CSNK2A1: variants seen among roughly 807,000 people sequenced by gnomAD.
CSNK2A1 encodes casein kinase 2 alpha 1, also known as casein kinase II subunit alpha.
CSNK2A1 carries 10 observed loss-of-function variants against 62.9 expected under a neutral mutation model. The observed-to-expected ratio is 0.16, with a 90% CI of 0.10 to 0.27. The LOEUF is 0.27. Ranked by LOEUF, CSNK2A1 falls within the 10% of genes least tolerant of loss-of-function variation. The pLI is 1.00. For synonymous variants in CSNK2A1, 124 were observed against 167.8 expected, an observed-to-expected ratio of 0.74 and a Z score of 2.02; for missense variants, 160 against 492.0, an observed-to-expected ratio of 0.33 and a Z score of 6.38.
At position 524,908 on chromosome 20, in the gene CSNK2A1, G is replaced by A. The variant is rs569983659; in HGVS notation, c.-110+3025C>T. Reference sequence around the variant, plus strand: ...AAGAGGAAAGATGGCTTGAGGCTGAGTTCGTGACCAGCCTGGGCAACACAG... The same window carrying A: ...AAGAGGAAAGATGGCTTGAGGCTGAATTCGTGACCAGCCTGGGCAACACAG... On this transcript the variant is annotated intron_variant, in intron 2 of 13. Coordinates refer to ENST00000217244, the MANE Select transcript of CSNK2A1 (RefSeq NM_177559.3). Among the ~76,000 whole-genome samples the A allele has an allele frequency of 2.7e-3, 406 of 152,142 alleles. 1 individual carries two copies. The highest frequency in any genetic ancestry group is 9.1e-3 in the African/African-American group (376 of 41,484).
chr20:511,464 T>C (rs1383776128), intron 2 of CSNK2A1, among the ~76,000 whole-genome samples: 1 of 152,182 alleles, frequency 6.6e-6, no homozygotes, highest in African/African-American at 2.4e-5. Context: ...CCATCCCAAA[T>C]GAAAACTATG....
chr20:472,846 CAAG>C lies in CSNK2A1; in HGVS notation c.*11112_*11114del, dbSNP rs907040199. On this transcript the variant is annotated 3_prime_UTR_variant, in exon 14 of 14. Transcript: ENST00000217244. ...GCTTTTGCAAAACCTCTCGGCCTTC[CAAG>C]AAGGTTTGTGTCTTTCCTATAATTT... is the stretch of plus-strand genomic sequence containing the variant. 1 of 152,278 alleles carries C rather than the reference CAAG, an allele frequency of 6.6e-6. No homozygotes were observed. Among genetic ancestry groups the C allele is most frequent in the African/African-American group, 2.4e-5 (1 of 41,564 alleles). The allele number at this position is 152,278 out of a possible 1,614,324, so 9.4% of individuals were successfully genotyped here.
chr20:507,973 C>T (rs143643082), intron 3 of CSNK2A1: 252 of 153,198 alleles, frequency 1.6e-3, no homozygotes, highest in African/African-American at 5.8e-3. Flanking sequence ...GTATGGCCTA[C>T]GGCTCCTAGG....
Position 496,077 on chromosome 20 carries a change from C to T in CSNK2A1, c.427-275G>A, listed in dbSNP as rs991740031. On this transcript the variant is annotated intron_variant, in intron 7 of 13. Transcript: ENST00000217244. ...AAAGTATACCCAAATTGCACCACTT[C>T]AAATTTTTCTGTCTTGTCCAGATCC... 1.1e-5 allele frequency: 4 copies of T among 359,256 alleles called. No individual in the cohort carries two copies. In the Admixed American group the frequency reaches 1.6e-4, roughly 14 times the overall value. 22.3% of individuals were successfully genotyped at this position (359,256 alleles called of 1,614,324 possible).
chr20:512,205 CTTCT>C (rs1413982721), intron 2 of CSNK2A1, among the ~76,000 whole-genome samples: 10 of 150,516 alleles, frequency 6.6e-5, no homozygotes, highest in South Asian at 2.1e-4. Flanking sequence ...TTTTCTTCTT[CTTCT>C]TTTTTTTTTT....
chr20:478,899 C>T lies in CSNK2A1; in HGVS notation c.*5062G>A, dbSNP rs115977932. On this transcript the variant is annotated 3_prime_UTR_variant, in exon 14 of 14. Transcript: ENST00000217244. ...CTGTGATGGCGCTACTGCACTCTAG[C>T]CTGGGTAACAGAGCAAGACCCGTAT... 4.5e-3 allele frequency: 899 copies of T among 198,464 alleles called. 12 individuals carry two copies. Among genetic ancestry groups the T allele is most frequent in the African/African-American group, 0.02 (847 of 41,762 alleles). 12.3% of individuals were successfully genotyped at this position (198,464 alleles called of 1,614,324 possible). A position where few individuals can be genotyped will look rare whatever the true frequency, so the allele number is the denominator to read the frequency against.
In CSNK2A1 at chr20:481,506, G is replaced by C. The variant is rs2017955664; in HGVS notation, c.*2455C>G. On this transcript the variant is annotated 3_prime_UTR_variant, in exon 14 of 14. Transcript: ENST00000217244. ...CCTCCCCCCCACCCCCCACCCAATT[G>C]GGTCTTTTTTTTTTTTCTCTCTCTC... is the stretch of plus-strand genomic sequence containing the variant. 8.8e-6 allele frequency: 1 copy of C among 113,180 alleles called. No homozygotes were observed. Among genetic ancestry groups the C allele is most frequent in the African/African-American group, 3.6e-5 (1 of 27,820 alleles). 7.0% of individuals were successfully genotyped at this position (113,180 alleles called of 1,614,324 possible). A position where few individuals can be genotyped will look rare whatever the true frequency, so the allele number is the denominator to read the frequency against.
At chr20:538,221 A>G (rs937030350) in intron 1 of CSNK2A1, among the ~76,000 whole-genome samples, 3 of 152,196 alleles carry the variant, frequency 2.0e-5, no homozygotes, top group Non-Finnish European at 4.4e-5. Context: ...AACTGGGATT[A>G]CAGGTGTGAG....
Position 479,484 on chromosome 20 carries a change from C to A in CSNK2A1, c.*4477G>T, listed in dbSNP as rs2017912855. Reference sequence around the variant, plus strand: ...TGGTAGGATTATGGATGTGTTACAGCTTTCTTTATAATTTGGTACATGCCT... The same window carrying A: ...TGGTAGGATTATGGATGTGTTACAGATTTCTTTATAATTTGGTACATGCCT... On this transcript the variant is annotated 3_prime_UTR_variant, in exon 14 of 14. Transcript: ENST00000217244. 1 of 152,162 alleles carries A rather than the reference C, an allele frequency of 6.6e-6. No homozygotes were observed. The highest frequency in any genetic ancestry group is 1.5e-5 in the Non-Finnish European group (1 of 68,028). The allele number at this position is 152,162 out of a possible 1,614,324, so 9.4% of individuals were successfully genotyped here. A position where few individuals can be genotyped will look rare whatever the true frequency, so the allele number is the denominator to read the frequency against.
At chr20:500,509 A>T (rs1256795798) in intron 4 of CSNK2A1, 1 of 154,234 alleles carries the variant, frequency 6.5e-6, no homozygotes, top group Non-Finnish European at 1.4e-5. Flanking sequence ...CATTAAGTGT[A>T]AAATGAGTAA....
At chr20:512,657 T>C (rs1195474461) in intron 2 of CSNK2A1, among the ~76,000 whole-genome samples, 1 of 152,204 alleles carries the variant, frequency 6.6e-6, no homozygotes, top group African/African-American at 2.4e-5. Flanking sequence ...AAGATTCACA[T>C]GCTGACTTAT....
At chr20:491,359 C>G (rs1041587607) in intron 9 of CSNK2A1, among the ~76,000 whole-genome samples, 1 of 152,152 alleles carries the variant, frequency 6.6e-6, no homozygotes, top group Non-Finnish European at 1.5e-5. Context: ...TGAATTTACT[C>G]TGAAGATTGG....
chr20:510,696 T>G (rs1386958489), intron 2 of CSNK2A1, among the ~76,000 whole-genome samples: 1 of 152,114 alleles, frequency 6.6e-6, no homozygotes, highest in Admixed American at 6.6e-5. Context: ...ATGCCCTTTG[T>G]ACTATTTTTA....
chr20:496,105 G>C, intron 7 of CSNK2A1: 1 of 284,186 alleles, frequency 3.5e-6, no homozygotes, highest in Non-Finnish European at 6.8e-6. Flanking sequence ...CCAGATCCTA[G>C]ATTATTTCCA....
At chr20:492,395 T>A (rs759151227) in intron 8 of CSNK2A1, 31 bp from the exon 9 acceptor site, 2 of 1,608,948 alleles carry the variant, frequency 1.2e-6, no homozygotes, top group Non-Finnish European at 1.7e-6. Context: ...AGCAATCTTA[T>A]CTTTCTCTAA....
rs2018154922 is a variant in CSNK2A1, at chr20:488,796, CA to C, written c.724-19del. ...CTCACCAACTAGTATTAAAGAAAGA[CA>C]AAAACCCATATCACAAGCATATTAT... On this transcript the variant is annotated intron_variant, in intron 10 of 13. Coordinates refer to ENST00000217244, the MANE Select transcript of CSNK2A1 (RefSeq NM_177559.3). 2 of 1,586,640 alleles carry C rather than the reference CA, an allele frequency of 1.3e-6. No individual in the cohort carries two copies. Among genetic ancestry groups the C allele is most frequent in the South Asian group, 1.1e-5 (1 of 88,176 alleles).
intron 2 of CSNK2A1, among the ~76,000 whole-genome samples, chr20:514,732 A>G (rs559482507): frequency 1.3e-5 from 2 of 152,304 alleles, no homozygotes; most frequent in East Asian, 3.9e-4. Flanking sequence ...GTGAGCCACC[A>G]TGCCCAACCA....
At chr20:514,538 C>T (rs1414432797) in intron 2 of CSNK2A1, among the ~76,000 whole-genome samples, 4 of 152,022 alleles carry the variant, frequency 2.6e-5, no homozygotes, top group African/African-American at 9.7e-5. Context: ...ATCTCCTGGG[C>T]TTGAGCAATC....
intron 11 of CSNK2A1, 69 bp from the exon 12 acceptor site, chr20:487,644 A>G: frequency 1.2e-6 from 2 of 1,605,438 alleles, no homozygotes; most frequent in African/African-American, 1.3e-5. Context: ...TCATTCCTAC[A>G]TTTTTCTTAG....
Sources: allele counts gnomAD v4.1 joint callset (sites outside exome capture counted in the v4.1 genomes callset), GRCh38; gene constraint gnomAD v4.1.1; transcripts MANE v1.5; gene names NCBI Gene and HGNC (gene_info 2026-07-23, HGNC 2026-07-21).